Variants in LRRC4C observed in about 807,000 individuals in gnomAD.
The protein encoded by LRRC4C is leucine rich repeat containing 4C.
A neutral mutation model predicts 33.6 loss-of-function variants in LRRC4C; 5 were observed. That is an observed-to-expected ratio of 0.15 (90% CI 0.08 to 0.31). LRRC4C has a LOEUF of 0.31. LRRC4C is among the 10% of genes least tolerant of loss of function. The pLI is 1.00. For missense variants in LRRC4C, 560 were observed against 796.7 expected, an observed-to-expected ratio of 0.70 and a Z score of 3.58; for synonymous variants, 329 against 302.0, an observed-to-expected ratio of 1.09 and a Z score of -0.93.
intron 2 of LRRC4C, among the ~76,000 whole-genome samples, chr11:40,708,042 G>A (rs1044277467): frequency 7.2e-5 from 11 of 152,120 alleles, no homozygotes; most frequent in African/African-American, 2.4e-4. Flanking sequence ...GCATTTCTGT[G>A]GGATCGGTGG....
At chr11:40,313,829 G>A (rs376263488) in intron 4 of LRRC4C, among the ~76,000 whole-genome samples, 78 of 151,688 alleles carry the variant, frequency 5.1e-4, no homozygotes, top group Non-Finnish European at 9.4e-4. Context: ...GCTACAGGAT[G>A]GTCTCGATCT....
intron 5 of LRRC4C, among the ~76,000 whole-genome samples, chr11:40,201,286 A>G (rs992976054): frequency 2.4e-4 from 37 of 152,088 alleles, no homozygotes; most frequent in African/African-American, 8.7e-4. Flanking sequence ...TCATCAATCT[A>G]TGGATTCCCT....
intron 5 of LRRC4C, among the ~76,000 whole-genome samples, chr11:40,182,193 C>T (rs1861062566): frequency 6.6e-6 from 1 of 152,274 alleles, no homozygotes; most frequent in Admixed American, 6.5e-5. Context: ...CTGCTAAGCA[C>T]ATTACATGCC....
At chr11:40,385,334 T>C (rs1949062206) in intron 3 of LRRC4C, among the ~76,000 whole-genome samples, 1 of 152,230 alleles carries the variant, frequency 6.6e-6, no homozygotes, top group Admixed American at 6.5e-5. Flanking sequence ...GAGAAAACTT[T>C]TTTCATCTGC....
chr11:40,715,793 G>A (rs536758384), intron 2 of LRRC4C, among the ~76,000 whole-genome samples: 1 of 152,346 alleles, frequency 6.6e-6, no homozygotes, highest in Admixed American at 6.5e-5. Context: ...GGGAGGCTGA[G>A]GCCGGCGGAT....
chr11:41,136,040 A>C (rs759632469), intron 1 of LRRC4C, among the ~76,000 whole-genome samples: 5 of 152,108 alleles, frequency 3.3e-5, no homozygotes, highest in Non-Finnish European at 5.9e-5. Context: ...CAATCTAGCC[A>C]TTCATCCATT....
intron 1 of LRRC4C, among the ~76,000 whole-genome samples, chr11:41,447,883 A>G (rs1955874456): frequency 6.6e-6 from 1 of 152,216 alleles, no homozygotes; most frequent in Admixed American, 6.5e-5. Context: ...TAATCTTAGC[A>G]GCCTCACCTT....
At chr11:41,183,493 A>T (rs1945547633) in intron 1 of LRRC4C, among the ~76,000 whole-genome samples, 1 of 152,136 alleles carries the variant, frequency 6.6e-6, no homozygotes. Context: ...TAGAGCTCCA[A>T]AATGATCTCC....
intron 3 of LRRC4C, among the ~76,000 whole-genome samples, chr11:40,442,285 AC>A (rs1951434642): frequency 6.6e-6 from 1 of 151,886 alleles, no homozygotes; most frequent in South Asian, 2.1e-4. Flanking sequence ...GACTTGTGTC[AC>A]AAGTTCTTAG....
chr11:41,043,033 C>T (rs1857536559), intron 1 of LRRC4C, among the ~76,000 whole-genome samples: 1 of 124,524 alleles, frequency 8.0e-6, no homozygotes, highest in African/African-American at 3.0e-5. Flanking sequence ...TTATGCAAGT[C>T]TCATCGAAAT....
intron 2 of LRRC4C, among the ~76,000 whole-genome samples, chr11:40,790,431 A>C (rs1950578921): frequency 2.0e-5 from 3 of 152,206 alleles, no homozygotes; most frequent in African/African-American, 7.2e-5. Flanking sequence ...AAAAATTCCA[A>C]ATACAAAGGC....
chr11:40,589,568 A>C (rs1243674119), intron 3 of LRRC4C, among the ~76,000 whole-genome samples: 1 of 149,250 alleles, frequency 6.7e-6, no homozygotes, highest in South Asian at 2.2e-4. Flanking sequence ...GTTTCTTCCT[A>C]GTCTCGATGG....
intron 1 of LRRC4C, among the ~76,000 whole-genome samples, chr11:41,014,622 A>T (rs1433568050): frequency 6.6e-6 from 1 of 152,140 alleles, no homozygotes. Flanking sequence ...TTTGACAATA[A>T]GCCTGCCAAA....
intron 1 of LRRC4C, among the ~76,000 whole-genome samples, chr11:41,177,504 A>T (rs2136131406): frequency 6.6e-6 from 1 of 152,250 alleles, no homozygotes; most frequent in African/African-American, 2.4e-5. Flanking sequence ...AATGGAATTC[A>T]ATGATCTATT....
intron 2 of LRRC4C, among the ~76,000 whole-genome samples, chr11:40,684,490 G>T: frequency 6.6e-6 from 1 of 152,050 alleles, no homozygotes; most frequent in South Asian, 2.1e-4. Context: ...TGAATTTTCA[G>T]TGAGAAGACC....
At chr11:40,370,392 G>A (rs1948401546) in intron 3 of LRRC4C, among the ~76,000 whole-genome samples, 1 of 152,138 alleles carries the variant, frequency 6.6e-6, no homozygotes, top group Non-Finnish European at 1.5e-5. Flanking sequence ...TAATGATCAG[G>A]GAAGATGTTA....
chr11:40,513,355 TTG>T (rs1955421368), intron 3 of LRRC4C, among the ~76,000 whole-genome samples: 2 of 152,040 alleles, frequency 1.3e-5, no homozygotes, highest in Admixed American at 1.3e-4. Flanking sequence ...AGAAGCCTTC[TTG>T]GGGAAATGAA....
At chr11:40,864,484 T>A (rs758553129) in intron 2 of LRRC4C, among the ~76,000 whole-genome samples, 6 of 152,204 alleles carry the variant, frequency 3.9e-5, no homozygotes, top group Non-Finnish European at 7.3e-5. Context: ...AACTGAGTAG[T>A]TGAGACAGAG....
At chr11:40,572,018 C>T (rs899942698) in intron 3 of LRRC4C, among the ~76,000 whole-genome samples, 27 of 152,130 alleles carry the variant, frequency 1.8e-4, no homozygotes, top group Non-Finnish European at 3.8e-4. Flanking sequence ...ACAGGGTTTC[C>T]GTATTCCTTC....
Sources: gnomAD v4.1 joint callset for allele counts (sites outside exome capture counted in the v4.1 genomes callset) on GRCh38, gnomAD v4.1.1 for gene constraint, MANE v1.5 for transcripts, NCBI Gene and HGNC (gene_info 2026-07-23, HGNC 2026-07-21) for gene names.